Variants in NCAM1 observed in about 807,000 individuals in gnomAD.
The protein encoded by NCAM1 is neural cell adhesion molecule 1, also known as antigen recognized by monoclonal antibody 5.1H11.
NCAM1 carries 14 observed loss-of-function variants against 109.8 expected under a neutral mutation model. That is an observed-to-expected ratio of 0.13 (90% CI 0.08 to 0.20). The LOEUF (loss-of-function observed/expected upper bound fraction) is 0.20, where lower values mean the gene tolerates loss of function less well. NCAM1 is among the 10% of genes least tolerant of loss of function. The probability of loss-of-function intolerance (pLI) is 1.00; values close to 1 mark genes in which losing one functional copy is unlikely to be tolerated. For synonymous variants in NCAM1, 418 were observed against 442.9 expected, an observed-to-expected ratio of 0.94 and a Z score of 0.70; for missense variants, 774 against 1,109.9, an observed-to-expected ratio of 0.70 and a Z score of 4.30.
intron 1 of NCAM1, among the ~76,000 whole-genome samples, chr11:113,123,130 A>G (rs1555096400): frequency 6.6e-6 from 1 of 152,220 alleles, no homozygotes; most frequent in Non-Finnish European, 1.5e-5. Flanking sequence ...GTTAGGTAGA[A>G]GCAATAAATG....
intron 9 of NCAM1, among the ~76,000 whole-genome samples, chr11:113,230,151 C>T (rs781876434): frequency 6.6e-5 from 10 of 151,994 alleles, no homozygotes; most frequent in Non-Finnish European, 1.5e-4. Flanking sequence ...CTCAAAAATC[C>T]AGTATCTCCA....
At chr11:113,200,507 C>T (rs1383666144) in intron 1 of NCAM1, among the ~76,000 whole-genome samples, 1 of 152,188 alleles carries the variant, frequency 6.6e-6, no homozygotes, top group Non-Finnish European at 1.5e-5. Flanking sequence ...GCCCTCTGTG[C>T]AGGGGCAGCA....
intron 1 of NCAM1, among the ~76,000 whole-genome samples, chr11:113,057,381 TGAAG>T (rs1393990269): frequency 6.6e-6 from 1 of 151,820 alleles, no homozygotes; most frequent in Non-Finnish European, 1.5e-5. Flanking sequence ...GGTGAGATAA[TGAAG>T]GATCTAGTAT....
chr11:113,080,376 A>G (rs1938746053), intron 1 of NCAM1, among the ~76,000 whole-genome samples: 2 of 152,222 alleles, frequency 1.3e-5, no homozygotes, highest in Non-Finnish European at 2.9e-5. Context: ...TAAAAATCTG[A>G]AAGTATTCCA....
intron 1 of NCAM1, among the ~76,000 whole-genome samples, chr11:113,147,054 A>G (rs1328959671): frequency 3.9e-5 from 6 of 152,198 alleles, no homozygotes; most frequent in African/African-American, 1.4e-4. Context: ...TAGTTGTGCC[A>G]TTATATTGCT....
intron 1 of NCAM1, among the ~76,000 whole-genome samples, chr11:112,968,586 C>T (rs543883652): frequency 5.3e-5 from 8 of 152,266 alleles, no homozygotes; most frequent in Admixed American, 2.6e-4. Flanking sequence ...GGGAATACAG[C>T]GGTGAACTAA....
chr11:113,127,137 A>G (rs1555097287), intron 1 of NCAM1, among the ~76,000 whole-genome samples: 1 of 152,184 alleles, frequency 6.6e-6, no homozygotes. Flanking sequence ...GTGATTCCCA[A>G]GCTTGATCCT....
At chr11:112,985,953 C>G (rs529189622) in intron 1 of NCAM1, among the ~76,000 whole-genome samples, 8 of 151,764 alleles carry the variant, frequency 5.3e-5, no homozygotes, top group Non-Finnish European at 1.0e-4. Flanking sequence ...CTATTTTAAA[C>G]AGAAGTGGTA....
In NCAM1 at chr11:113,275,337, A is replaced by G; in HGVS notation, c.2527A>G (p.Thr843Ala). Residue 843 changes from threonine (T) to alanine (A), a missense_variant, in exon 20 of 20, where the codon ACG (threonine) becomes GCG (alanine). By Grantham distance (58) the Thr-to-Ala change is moderately conservative. Transcript: ENST00000316851. ...GAAGCCAGCGCCAGCCGAAGTCAAG[A>G]CGGTCCCCAATGACGCCACACAGAC... is the stretch of plus-strand genomic sequence containing the variant. ...ETKPAPAEVKTVPNDATQTKE... is the reference protein window; with the variant it reads ...ETKPAPAEVKAVPNDATQTKE... 1 of 1,613,630 alleles carries G rather than the reference A, an allele frequency of 6.2e-7. No homozygotes were observed.
intron 1 of NCAM1, among the ~76,000 whole-genome samples, chr11:113,010,849 A>T (rs1020311711): frequency 6.6e-6 from 1 of 152,196 alleles, no homozygotes; most frequent in Non-Finnish European, 1.5e-5. Flanking sequence ...TCAAATGAAC[A>T]CTTAAGACAG....
intron 1 of NCAM1, among the ~76,000 whole-genome samples, chr11:113,124,026 A>G (rs1565449944): frequency 6.6e-6 from 1 of 152,208 alleles, no homozygotes; most frequent in African/African-American, 2.4e-5. Flanking sequence ...GCTGGGAAGC[A>G]GGATGCCAGG....
chr11:113,058,728 T>G (rs1393837249), intron 1 of NCAM1, among the ~76,000 whole-genome samples: 1 of 152,230 alleles, frequency 6.6e-6, no homozygotes, highest in Non-Finnish European at 1.5e-5. Context: ...CCATTTCTGC[T>G]TCTTCATGCC....
At chr11:113,006,077 C>T (rs546357396) in intron 1 of NCAM1, among the ~76,000 whole-genome samples, 1 of 152,208 alleles carries the variant, frequency 6.6e-6, no homozygotes, top group Non-Finnish European at 1.5e-5. Flanking sequence ...TAATACATGT[C>T]CTTTTTTGGT....
chr11:113,006,574 T>C (rs1159634301), intron 1 of NCAM1, among the ~76,000 whole-genome samples: 6 of 152,174 alleles, frequency 3.9e-5, no homozygotes, highest in African/African-American at 1.4e-4. Flanking sequence ...GTTTGCTACT[T>C]TTGTGCCGTG....
At chr11:113,083,612 T>C (rs1938945630) in intron 1 of NCAM1, among the ~76,000 whole-genome samples, 1 of 152,242 alleles carries the variant, frequency 6.6e-6, no homozygotes, top group African/African-American at 2.4e-5. Flanking sequence ...GGAATTGCTT[T>C]TCAGTATGTT....
chr11:113,184,768 C>G lies in NCAM1; in HGVS notation c.53-17611C>G, dbSNP rs371867042. ...AGATTGCCCAACTGATCAGCTGACA[C>G]TTATGGAGACCTTCCACTTGTGGTG... On this transcript the variant is annotated intron_variant, in intron 1 of 19. Transcript: ENST00000316851. Among the ~76,000 whole-genome samples the G allele has an allele frequency of 1.2e-3, 189 of 152,168 alleles. 2 individuals carry two copies. In the South Asian group the frequency reaches 0.038, roughly 31 times the overall value.
At chr11:112,979,765 G>T (rs1365578114) in intron 1 of NCAM1, among the ~76,000 whole-genome samples, 1 of 151,730 alleles carries the variant, frequency 6.6e-6, no homozygotes, top group African/African-American at 2.4e-5. Context: ...AAAACAATGG[G>T]CTCCCATAAT....
intron 1 of NCAM1, chr11:113,041,235 T>TATA (rs1555079931): frequency 3.3e-5 from 5 of 152,238 alleles, no homozygotes; most frequent in Admixed American, 3.3e-4. Flanking sequence ...TCAAATCGGA[T>TATA]ATAAGACAGA....
intron 1 of NCAM1, among the ~76,000 whole-genome samples, chr11:113,019,639 T>C (rs1591253426): frequency 6.6e-6 from 1 of 152,246 alleles, no homozygotes; most frequent in East Asian, 1.9e-4. Flanking sequence ...ATACCACTAA[T>C]AACATATGTA....
Sources: allele counts gnomAD v4.1 joint callset (sites outside exome capture counted in the v4.1 genomes callset), GRCh38; gene constraint gnomAD v4.1.1; transcripts MANE v1.5; gene names NCBI Gene and HGNC (gene_info 2026-07-23, HGNC 2026-07-21).